PHB1: variants seen among roughly 807,000 people sequenced by gnomAD.
PHB1 encodes prohibitin 1.
the PHB1 span, chr17:49,405,031 C>G: frequency 6.4e-7 from 1 of 1,567,934 alleles, no homozygotes; most frequent in African/African-American, 1.4e-5. Flanking sequence ...GCCCCGCTGG[C>G]AGGTAGGTGA....
chr17:49,406,279 CTT>C, the PHB1 span, among the ~76,000 whole-genome samples: 2 of 152,222 alleles, frequency 1.3e-5, no homozygotes, highest in Non-Finnish European at 2.9e-5. Flanking sequence ...ATGAACATGT[CTT>C]TGCAAATACC....
the PHB1 span, chr17:49,411,626 A>C: frequency 6.6e-7 from 1 of 1,516,248 alleles, no homozygotes; most frequent in South Asian, 1.2e-5. Flanking sequence ...ACAGAAGAAC[A>C]GAGCACCTCT....
the PHB1 span, chr17:49,413,335 C>T: frequency 3.6e-6 from 4 of 1,122,986 alleles, no homozygotes; most frequent in South Asian, 2.6e-5. Context: ...GATGCCAAAT[C>T]CTCAGAGAAG....
the PHB1 span, chr17:49,411,730 G>A: frequency 6.2e-7 from 1 of 1,614,152 alleles, no homozygotes; most frequent in Non-Finnish European, 8.5e-7. Context: ...GGCAGTCAAA[G>A]ATAATTGGTT....
At chr17:49,405,806 G>A in the PHB1 span, among the ~76,000 whole-genome samples, 1 of 151,962 alleles carries the variant, frequency 6.6e-6, no homozygotes, top group Non-Finnish European at 1.5e-5. Context: ...AAAAAACCTC[G>A]GGATGGCTAA....
the PHB1 span, chr17:49,411,700 C>T: frequency 1.2e-6 from 2 of 1,614,070 alleles, no homozygotes; most frequent in Admixed American, 1.7e-5. Flanking sequence ...TGATGACTGG[C>T]ACATTACGTG....
the PHB1 span, among the ~76,000 whole-genome samples, chr17:49,408,399 C>G: frequency 6.6e-6 from 1 of 152,224 alleles, no homozygotes; most frequent in South Asian, 2.1e-4. Flanking sequence ...AGAAACACGA[C>G]CCCTTCCCCT....
chr17:49,411,751 C>T, the PHB1 span: 10 of 1,614,020 alleles, frequency 6.2e-6, no homozygotes, highest in Admixed American at 5.0e-5. Context: ...TCTGTACCCA[C>T]GGGATGAGAA....
the PHB1 span, among the ~76,000 whole-genome samples, chr17:49,413,982 A>G: frequency 6.6e-6 from 1 of 152,172 alleles, no homozygotes; most frequent in Non-Finnish European, 1.5e-5. Flanking sequence ...AGATTGGTGC[A>G]ATTATGGTTT....
the PHB1 span, among the ~76,000 whole-genome samples, chr17:49,413,540 GCT>G: frequency 1.0e-3 from 128 of 125,544 alleles, no homozygotes; most frequent in African/African-American, 3.7e-3. Flanking sequence ...ACAGGGTCTT[GCT>G]CTGTCACCCA....
chr17:49,412,135 C>A, the PHB1 span: 110 of 290,126 alleles, frequency 3.8e-4, 1 homozygote, highest in African/African-American at 2.1e-3. Flanking sequence ...GAACTCCCAC[C>A]AACATATTTC....
the PHB1 span, chr17:49,409,620 C>G: frequency 1.3e-5 from 8 of 633,074 alleles, no homozygotes; most frequent in African/African-American, 5.7e-5. Context: ...CGGCTCACTA[C>G]AACCTCTGCC....
chr17:49,410,953 C>A, the PHB1 span, among the ~76,000 whole-genome samples: 3 of 152,188 alleles, frequency 2.0e-5, no homozygotes, highest in South Asian at 2.1e-4. Context: ...CTGGACAATT[C>A]AGGCCTGCCT....
At chr17:49,406,367 G>GA in the PHB1 span, among the ~76,000 whole-genome samples, 1 of 152,158 alleles carries the variant, frequency 6.6e-6, no homozygotes, top group African/African-American at 2.4e-5. Flanking sequence ...TTTAGCACTA[G>GA]AAAAAAATCT....
the PHB1 span, among the ~76,000 whole-genome samples, chr17:49,406,047 C>T: frequency 2.6e-5 from 4 of 152,196 alleles, no homozygotes; most frequent in African/African-American, 9.7e-5. Context: ...CGTCTATTTG[C>T]TCAACAAACA....
chr17:49,404,057 CG>C, the PHB1 span: 1 of 152,460 alleles, frequency 6.6e-6, no homozygotes, highest in Admixed American at 6.5e-5. Flanking sequence ...ATGGCTGAGC[CG>C]GAAGGTCTGG....
the PHB1 span, chr17:49,413,037 T>A: frequency 3.1e-6 from 2 of 643,596 alleles, no homozygotes; most frequent in Non-Finnish European, 2.8e-6. Flanking sequence ...TCCTGTGGTA[T>A]GAAATGGCAG....
chr17:49,413,267 T>C, the PHB1 span: 2 of 1,603,820 alleles, frequency 1.2e-6, no homozygotes, highest in South Asian at 2.2e-5. Context: ...GCAGCCATGT[T>C]TCCTTCTGCT....
the PHB1 span, chr17:49,405,106 C>T: frequency 6.2e-7 from 1 of 1,613,500 alleles, no homozygotes; most frequent in Non-Finnish European, 8.5e-7. Context: ...GCAGCTCGAT[C>T]AGGCCATCCC....
Sources: gnomAD v4.1 joint callset for allele counts (sites outside exome capture counted in the v4.1 genomes callset) on GRCh38, gnomAD v4.1.1 for gene constraint, MANE v1.5 for transcripts, NCBI Gene and HGNC (gene_info 2026-07-23, HGNC 2026-07-21) for gene names.